The following RBM4B variants were observed in gnomAD, a reference collection of about 807,000 sequenced individuals.
RBM4B encodes RNA-binding protein 4B.
In RBM4B, 13 loss-of-function variants were observed where a neutral mutation model predicts 28.5. The ratio of observed to expected loss-of-function variants is 0.46; its 90% CI spans 0.30 to 0.72. The LOEUF (loss-of-function observed/expected upper bound fraction) is 0.72, where lower values mean the gene tolerates loss of function less well. RBM4B is among the 30% of genes least tolerant of loss of function. The pLI is 0.09. For missense variants in RBM4B, 387 were observed against 477.6 expected, an observed-to-expected ratio of 0.81 and a Z score of 1.77; for synonymous variants, 167 against 179.1, an observed-to-expected ratio of 0.93 and a Z score of 0.54.
At chr11:66,675,173 T>C (rs1483713009) in intron 2 of RBM4B, among the ~76,000 whole-genome samples, 5 of 152,238 alleles carry the variant, frequency 3.3e-5, no homozygotes, top group Non-Finnish European at 4.4e-5. Context: ...CTAACCAGAA[T>C]AGAAACACTC....
chr11:66,669,409 C>T (rs1939384887), intron 2 of RBM4B, 118 bp from the exon 3 acceptor site: 2 of 942,580 alleles, frequency 2.1e-6, no homozygotes, highest in Non-Finnish European at 3.2e-6. Flanking sequence ...CACCTGTGAC[C>T]CTATTTCAGC....
In RBM4B at chr11:66,669,257, C is replaced by A; in HGVS notation, c.447G>T (p.Arg149=). ...KRMHVQLSTS[R]LRTAPGMGDQ... ...CTCCCATACCAGGGGCAGTCCGAAG[C>A]CGGCTTGTGGACAACTGCACATGCA... The change falls in exon 3 of 4, where the codon CGG becomes CGT. Residue 149 remains arginine (R), a synonymous_variant. Transcript: ENST00000310046. The A allele has an allele frequency of 6.2e-7, 1 of 1,614,070 alleles. No homozygotes were observed. The highest frequency in any genetic ancestry group is 8.5e-7 in the Non-Finnish European group (1 of 1,179,944).
In RBM4B at chr11:66,665,282, G is replaced by C; in HGVS notation, c.*306C>G. 2.4e-6 allele frequency: 1 copy of C among 422,460 alleles called. No homozygotes were observed. The highest frequency in any genetic ancestry group is 2.8e-5 in the South Asian group (1 of 35,412). The allele number at this position is 422,460 out of a possible 1,614,324, so 26.2% of individuals were successfully genotyped here. A position where few individuals can be genotyped will look rare whatever the true frequency, so the allele number is the denominator to read the frequency against. On this transcript the variant is annotated 3_prime_UTR_variant, in exon 4 of 4. Coordinates refer to ENST00000310046, the MANE Select transcript of RBM4B (RefSeq NM_031492.4). ...GGCAGGGAGAAGGATTCAACTCCTAGGGAAAGCAAGATAAGAGGGGTTCCA... is the reference window on the plus strand; with the variant it reads ...GGCAGGGAGAAGGATTCAACTCCTACGGAAAGCAAGATAAGAGGGGTTCCA...
chr11:66,671,899 G>C (rs1363663857), intron 2 of RBM4B, among the ~76,000 whole-genome samples: 1 of 151,936 alleles, frequency 6.6e-6, no homozygotes, highest in Non-Finnish European at 1.5e-5. Context: ...GCCACCATTG[G>C]TGTGGTTTTA....
intron 2 of RBM4B, chr11:66,676,319 G>C (rs545785355): frequency 4.6e-6 from 2 of 434,646 alleles, no homozygotes; most frequent in Non-Finnish European, 8.1e-6. Context: ...CATCACCAAA[G>C]AAGCAGGTAA....
Position 66,676,821 on chromosome 11 carries a change from G to T in RBM4B, c.259C>A (p.Pro87Thr), listed in dbSNP as rs548463588. 1.2e-6 allele frequency: 2 copies of T among 1,614,128 alleles called. No homozygotes were observed. Among genetic ancestry groups the T allele is most frequent in the Admixed American group, 1.7e-5 (1 of 60,014 alleles). The part of the protein sequence containing the change: ...STKLHVGNIS[P>T]TCTNQELRAK... Reference sequence around the variant, plus strand: ...CGAAGCTCTTGGTTGGTACAAGTGGGGCTGATGTTACCCACGTGTAACTTG... The same window carrying T: ...CGAAGCTCTTGGTTGGTACAAGTGGTGCTGATGTTACCCACGTGTAACTTG... Residue 87 changes from proline to threonine, a missense_variant, in exon 2 of 4, where the codon CCC (proline) becomes ACC (threonine). Physicochemically the swap from Pro to Thr is conservative, Grantham distance 38. Transcript: ENST00000310046.
Position 66,668,907 on chromosome 11 carries a change from G to A in RBM4B, c.797C>T (p.Thr266Ile), listed in dbSNP as rs1433843729. 2 of 1,614,104 alleles carry A rather than the reference G, an allele frequency of 1.2e-6. No homozygotes were observed. Among genetic ancestry groups the A allele is most frequent in the African/African-American group, 1.3e-5 (1 of 74,938 alleles). Reference protein sequence around the residue: ...STTVTSHLNSTSVDPYDRHLL... With the variant: ...STTVTSHLNSISVDPYDRHLL... The stretch of plus-strand genomic sequence containing the variant: ...GTGTCTGTCATAGGGATCAACAGAA[G>A]TAGAGTTGAGGTGGCTGGTCACAGT... Residue 266 changes from threonine to isoleucine, a missense_variant, in exon 3 of 4, where the codon ACT (threonine) becomes ATT (isoleucine). Thr to Ile is a moderately conservative substitution (Grantham distance 89, BLOSUM62 -1). Transcript: ENST00000310046.
In RBM4B at chr11:66,669,353, C is replaced by T. The variant is rs1939382086; in HGVS notation, c.413-62G>A. 7.3e-6 allele frequency: 11 copies of T among 1,501,998 alleles called. 1 individual carries two copies. In the African/African-American group the frequency reaches 1.4e-4, roughly 19 times the overall value. 93.0% of individuals were successfully genotyped at this position (1,501,998 alleles called of 1,614,324 possible). ...CACTTGACATTCTTTTTCCTCTCCT[C>T]CCCAAATGAAAGTAAATTAGTTGTC... On this transcript the variant is annotated intron_variant, in intron 2 of 3. Coordinates refer to ENST00000310046, the MANE Select transcript of RBM4B (RefSeq NM_031492.4).
At chr11:66,672,801 C>G (rs1045200680) in intron 2 of RBM4B, among the ~76,000 whole-genome samples, 2 of 152,084 alleles carry the variant, frequency 1.3e-5, no homozygotes, top group Non-Finnish European at 2.9e-5. Flanking sequence ...CCAGCCTAGC[C>G]TTTAAATTTA....
intron 2 of RBM4B, chr11:66,671,124 C>G: frequency 1.5e-6 from 1 of 663,408 alleles, no homozygotes; most frequent in Non-Finnish European, 2.7e-6. Flanking sequence ...ACTCCAGTTT[C>G]TAGCAGAAAC....
At chr11:66,668,455 C>T (rs1939328484) in intron 3 of RBM4B, 160 bp downstream of exon 3, 1 of 597,482 alleles carries the variant, frequency 1.7e-6, no homozygotes, top group African/African-American at 1.8e-5. Context: ...CCAAATGGAA[C>T]TTGTGGCCTA....
chr11:66,677,243 T>C, intron 1 of RBM4B, 152 bp from the exon 2 acceptor site: 3 of 1,011,278 alleles, frequency 3.0e-6, no homozygotes, highest in Non-Finnish European at 4.3e-6. Context: ...AAGGGCGGTT[T>C]GTTCTCGAGA....
At chr11:66,671,740 T>C (rs562192682) in intron 2 of RBM4B, among the ~76,000 whole-genome samples, 1 of 152,234 alleles carries the variant, frequency 6.6e-6, no homozygotes, top group Non-Finnish European at 1.5e-5. Flanking sequence ...AATTTTTTTG[T>C]TGCGTTTGTT....
At chr11:66,669,562 T>C (rs565784554) in intron 2 of RBM4B, among the ~76,000 whole-genome samples, 1 of 152,232 alleles carries the variant, frequency 6.6e-6, no homozygotes, top group African/African-American at 2.4e-5. Context: ...TTCTCCTGCC[T>C]CAGCCTCCCG....
chr11:66,670,195 A>G (rs1939416065), intron 2 of RBM4B, among the ~76,000 whole-genome samples: 2 of 152,218 alleles, frequency 1.3e-5, no homozygotes, highest in South Asian at 2.1e-4. Flanking sequence ...TCTGGGAGTT[A>G]TAAGACCTTT....
In RBM4B at chr11:66,668,963, G is replaced by T. The variant is rs1053443610; in HGVS notation, c.741C>A (p.Thr247=). The change falls in exon 3 of 4, where the codon ACC becomes ACA. Residue 247 remains threonine (T), a synonymous_variant. Coordinates refer to ENST00000310046, the MANE Select transcript of RBM4B (RefSeq NM_031492.4). ...TTTGGACTTGAGGCAGATGGGACAT[G>T]GTCTGCTCTGCGTAGTTGTATGCAG... The part of the protein sequence containing the change: ...AASAYNYAEQ[T]MSHLPQVQST... 1 of 1,614,052 alleles carries T rather than the reference G, an allele frequency of 6.2e-7. No individual in the cohort carries two copies. The highest frequency in any genetic ancestry group is 1.7e-5 in the Admixed American group (1 of 60,000).
At chr11:66,666,848 G>C (rs1939253367) in intron 3 of RBM4B, 1 of 152,010 alleles carries the variant, frequency 6.6e-6, no homozygotes, top group South Asian at 2.1e-4. Context: ...ACTTATTACA[G>C]GTTCATAACA....
Position 66,669,081 on chromosome 11 carries a change from G to C in RBM4B, c.623C>G (p.Ser208Cys). 6.2e-7 allele frequency: 1 copy of C among 1,614,140 alleles called. No individual in the cohort carries two copies. The highest frequency in any genetic ancestry group is 1.1e-5 in the South Asian group (1 of 91,084). The part of the protein sequence containing the change: ...RTPYTMGYGE[S>C]MYYNDAYGAL... ...TCCATATGCATCGTTGTAATACATG[G>C]ATTCCCCGTAGCCCATGGTGTAAGG... The change falls in exon 3 of 4, where the codon TCC becomes TGC. Residue 208 changes from serine to cysteine, a missense_variant. Around this residue, in one of 2 missense-constraint regions of RBM4B, gnomAD observed 226 missense variants for 220.6 expected, o/e 1.02. Coordinates refer to ENST00000310046, the MANE Select transcript of RBM4B (RefSeq NM_031492.4).
chr11:66,677,325 T>G, intron 1 of RBM4B: 1 of 568,650 alleles, frequency 1.8e-6, no homozygotes, highest in Admixed American at 3.2e-5. Context: ...ATCATCTCCG[T>G]GAAGTGGAGC....
Sources: allele counts gnomAD v4.1 joint callset (sites outside exome capture counted in the v4.1 genomes callset), GRCh38; gene constraint gnomAD v4.1.1; regional missense constraint gnomAD v4.1.1; transcripts MANE v1.5; gene names NCBI Gene and HGNC (gene_info 2026-07-23, HGNC 2026-07-21).